The following GRID2 variants were observed in gnomAD, a reference collection of about 807,000 sequenced individuals.
GRID2 encodes glutamate receptor ionotropic, delta-2.
A neutral mutation model predicts 114.8 loss-of-function variants in GRID2; 33 were observed. The ratio of observed to expected loss-of-function variants is 0.29; its 90% CI spans 0.22 to 0.38. The LOEUF is 0.38. Ranked by LOEUF, GRID2 falls within the 10% of genes least tolerant of loss-of-function variation. The probability of loss-of-function intolerance (pLI) is 1.00; values close to 1 mark genes in which losing one functional copy is unlikely to be tolerated. For missense variants in GRID2, 1,184 were observed against 1,257.7 expected, an observed-to-expected ratio of 0.94 and a Z score of 0.89; for synonymous variants, 505 against 449.9, an observed-to-expected ratio of 1.12 and a Z score of -1.55.
intron 1 of GRID2, among the ~76,000 whole-genome samples, chr4:92,523,695 T>C (rs927315746): frequency 6.6e-6 from 1 of 151,956 alleles, no homozygotes; most frequent in Non-Finnish European, 1.5e-5. Flanking sequence ...ATCTTGGTGA[T>C]AGTTGTGATA....
intron 14 of GRID2, among the ~76,000 whole-genome samples, chr4:93,629,391 T>C (rs1233907197): frequency 6.6e-6 from 1 of 152,194 alleles, no homozygotes; most frequent in Non-Finnish European, 1.5e-5. Context: ...AAGCAGGACC[T>C]GGCGATCATC....
chr4:93,726,211 A>G (rs906253348), intron 14 of GRID2, among the ~76,000 whole-genome samples: 1 of 152,216 alleles, frequency 6.6e-6, no homozygotes, highest in Non-Finnish European at 1.5e-5. Flanking sequence ...ATGGCTAGCC[A>G]GTTTTCCCAG....
At chr4:92,695,863 A>G (rs1416280218) in intron 2 of GRID2, among the ~76,000 whole-genome samples, 1 of 152,158 alleles carries the variant, frequency 6.6e-6, no homozygotes, top group African/African-American at 2.4e-5. Context: ...AAAATCTGAA[A>G]TCATACCCTG....
intron 2 of GRID2, among the ~76,000 whole-genome samples, chr4:92,727,480 C>T (rs1038124058): frequency 1.3e-5 from 2 of 151,998 alleles, no homozygotes; most frequent in Admixed American, 6.6e-5. Flanking sequence ...AAGGGCCTGC[C>T]AGGATTTTCT....
At chr4:92,873,497 G>C (rs1316043098) in intron 2 of GRID2, among the ~76,000 whole-genome samples, 1 of 151,918 alleles carries the variant, frequency 6.6e-6, no homozygotes, top group Non-Finnish European at 1.5e-5. Flanking sequence ...CCTTGCTCCA[G>C]TATAAATTCT....
At chr4:92,829,477 A>G (rs1409440613) in intron 2 of GRID2, among the ~76,000 whole-genome samples, 1 of 152,152 alleles carries the variant, frequency 6.6e-6, no homozygotes, top group African/African-American at 2.4e-5. Context: ...GAACACCTTT[A>G]CACTGTTGGT....
At chr4:93,510,715 A>C (rs1729081915) in intron 12 of GRID2, among the ~76,000 whole-genome samples, 1 of 152,172 alleles carries the variant, frequency 6.6e-6, no homozygotes, top group Middle Eastern at 3.4e-3. Context: ...AGGGGGGAAA[A>C]ATTCCACAAA....
chr4:93,272,296 G>A (rs1751547131), intron 8 of GRID2, among the ~76,000 whole-genome samples: 1 of 152,132 alleles, frequency 6.6e-6, no homozygotes, highest in Admixed American at 6.5e-5. Flanking sequence ...GGATATGTCA[G>A]GTGGCAAACT....
chr4:92,653,586 T>G (rs78830156), intron 2 of GRID2, among the ~76,000 whole-genome samples: 5,047 of 152,056 alleles, frequency 0.033, 270 homozygotes, highest in African/African-American at 0.11. Flanking sequence ...TATGTCTTAC[T>G]TTTCTATCAA....
chr4:93,446,537 A>G (rs1722108523), intron 10 of GRID2, among the ~76,000 whole-genome samples: 1 of 152,090 alleles, frequency 6.6e-6, no homozygotes, highest in Admixed American at 6.6e-5. Flanking sequence ...CTGTTAAGGT[A>G]TAAAAGTAAA....
intron 14 of GRID2, among the ~76,000 whole-genome samples, chr4:93,629,163 C>T (rs1743016282): frequency 6.7e-6 from 1 of 149,264 alleles, no homozygotes; most frequent in Admixed American, 6.8e-5. Flanking sequence ...TTCTTATTAG[C>T]CCTGCAGTGC....
chr4:93,714,769 A>G (rs1728768737), intron 14 of GRID2, among the ~76,000 whole-genome samples: 1 of 152,094 alleles, frequency 6.6e-6, no homozygotes, highest in South Asian at 2.1e-4. Context: ...CCACTTTTTA[A>G]TGGAGTTGTT....
chr4:93,769,124 C>A, intron 14 of GRID2, 86 bp from the exon 15 acceptor site: 1 of 1,310,926 alleles, frequency 7.6e-7, no homozygotes, highest in Non-Finnish European at 1.1e-6. Context: ...CACCATCCTA[C>A]AGAGGTGGGA....
chr4:92,496,525 C>T (rs1321140437), intron 1 of GRID2, among the ~76,000 whole-genome samples: 2 of 151,740 alleles, frequency 1.3e-5, no homozygotes, highest in Non-Finnish European at 3.0e-5. Context: ...AATTCAAGGA[C>T]TAAATTGAAA....
At chr4:92,484,600 T>C (rs1361809045) in intron 1 of GRID2, among the ~76,000 whole-genome samples, 1 of 152,040 alleles carries the variant, frequency 6.6e-6, no homozygotes, top group Admixed American at 6.6e-5. Flanking sequence ...TATATAATAT[T>C]TTATATAATA....
intron 2 of GRID2, among the ~76,000 whole-genome samples, chr4:92,961,051 ATAATACT>A (rs1752762626): frequency 1.3e-5 from 2 of 152,054 alleles, no homozygotes; most frequent in South Asian, 4.1e-4. Context: ...CTCCCTAAAA[ATAATACT>A]TAATATTTCT....
intron 10 of GRID2, among the ~76,000 whole-genome samples, chr4:93,425,504 A>G (rs781703002): frequency 1.6e-4 from 24 of 152,068 alleles, no homozygotes; most frequent in Admixed American, 3.9e-4. Flanking sequence ...TCAAAATTCA[A>G]TCTGTATCTT....
chr4:93,295,874 T>G (rs1754257948), intron 8 of GRID2, among the ~76,000 whole-genome samples: 1 of 152,258 alleles, frequency 6.6e-6, no homozygotes, highest in Non-Finnish European at 1.5e-5. Flanking sequence ...ATGGAGGGAA[T>G]GATCAACCAC....
At chr4:92,669,776 G>T (rs896763182) in intron 2 of GRID2, among the ~76,000 whole-genome samples, 3 of 151,882 alleles carry the variant, frequency 2.0e-5, no homozygotes, top group Non-Finnish European at 4.4e-5. Context: ...TATACCATTT[G>T]GAAATTTTAT....
Sources: allele counts gnomAD v4.1 joint callset (sites outside exome capture counted in the v4.1 genomes callset), GRCh38; gene constraint gnomAD v4.1.1; transcripts MANE v1.5; gene names NCBI Gene and HGNC (gene_info 2026-07-23, HGNC 2026-07-21).